The following CFH variants were observed in gnomAD, a reference collection of about 807,000 sequenced individuals.
CFH encodes H factor 1 (complement).
In CFH, 53 loss-of-function variants were observed where a neutral mutation model predicts 147.3. The ratio of observed to expected loss-of-function variants is 0.36; its 90% CI spans 0.29 to 0.45. The LOEUF (loss-of-function observed/expected upper bound fraction) is 0.45. CFH is among the 20% of genes least tolerant of loss of function. The pLI, the probability that CFH is intolerant of heterozygous loss-of-function variation, is 1.00. For synonymous variants in CFH, 536 were observed against 489.4 expected (o/e 1.10, Z -1.26); for missense variants, 1,380 against 1,498.0 (o/e 0.92, Z 1.30).
At chr1:196,730,139 G>T (rs1669248154) in intron 15 of CFH, among the ~76,000 whole-genome samples, 1 of 151,616 alleles carries the variant, frequency 6.6e-6, no homozygotes, top group Non-Finnish European at 1.5e-5. Flanking sequence ...TGACTAGTTT[G>T]TTCATGTTTT....
At chr1:196,672,517 ATACATCTC>A (rs1405178032) in intron 1 of CFH, among the ~76,000 whole-genome samples, 2 of 152,206 alleles carry the variant, frequency 1.3e-5, no homozygotes, top group Admixed American at 1.3e-4. Flanking sequence ...AATGCATATT[ATACATCTC>A]TTTGATTACT....
rs1669152071 is a variant in CFH at position 196,726,801 on chromosome 1, T to C, written c.2097T>C (p.His699=). 2 of 1,613,894 alleles carry C rather than the reference T, an allele frequency of 1.2e-6. No individual in the cohort carries two copies. The highest frequency in any genetic ancestry group is 1.7e-6 in the Non-Finnish European group (2 of 1,179,842). ...GTGGAGATATACCTGAACTTGAACA[T>C]GGCTGGGCCCAGCTTTCTTCCCCTC... ...STCGDIPELE[H]GWAQLSSPPY... is the part of the protein sequence containing the mutation. Residue 699 remains histidine (H), a synonymous_variant, in exon 14 of 22, where the codon CAT becomes CAC. Transcript: ENST00000367429.
At position 196,657,699 on chromosome 1, in the gene CFH, T is replaced by C. The variant is rs111555429; in HGVS notation, c.58+5524T>C. On this transcript the variant is annotated intron_variant, in intron 1 of 21. Coordinates refer to ENST00000367429, the MANE Select transcript of CFH (RefSeq NM_000186.4). ...CTATTTCTGTTTTGTTCATTTGCTT[T>C]ATTTTTTTCCAAATTGATTTTGTAA... 1.7e-3 allele frequency among the ~76,000 whole-genome samples: 258 copies of C among 152,352 alleles called. 2 individuals are homozygous for C. Among genetic ancestry groups the C allele is most frequent in the African/African-American group, 5.8e-3 (243 of 41,580 alleles).
chr1:196,656,726 A>G (rs1170102365), intron 1 of CFH, among the ~76,000 whole-genome samples: 2 of 131,690 alleles, frequency 1.5e-5, no homozygotes, highest in East Asian at 2.2e-4. Flanking sequence ...TCCTAATTGT[A>G]CTGTCTCTTT....
At chr1:196,718,387 T>G (rs1372967752) in intron 11 of CFH, among the ~76,000 whole-genome samples, 1 of 152,088 alleles carries the variant, frequency 6.6e-6, no homozygotes, top group Non-Finnish European at 1.5e-5. Flanking sequence ...AAAGAATGGT[T>G]GAAAGCCATT....
intron 9 of CFH, chr1:196,700,827 G>A (rs1436508975): frequency 1.2e-5 from 12 of 985,214 alleles, no homozygotes; most frequent in Non-Finnish European, 1.4e-5. Context: ...TGTTGGCAGG[G>A]CAGTGCTGAC....
rs759625279 is a variant in CFH at position 196,740,744 on chromosome 1, A to G, written c.2908A>G (p.Ile970Val). ...FEGFGIDGPA[I>V]AKCLGEKWSH... Reference sequence around the variant, plus strand: ...AGGTTTTGGAATTGATGGGCCTGCAATTGCAAAATGCTTAGGAGAAAAATG... The same window carrying G: ...AGGTTTTGGAATTGATGGGCCTGCAGTTGCAAAATGCTTAGGAGAAAAATG... Residue 970 changes from isoleucine (I) to valine (V), a missense_variant, in exon 18 of 22, where the codon ATT (isoleucine) becomes GTT (valine). Ile to Val is a conservative substitution (Grantham distance 29). Transcript: ENST00000367429. 38 of 1,614,070 alleles carry G rather than the reference A, an allele frequency of 2.4e-5. No homozygotes were observed. Among genetic ancestry groups the G allele is most frequent in the Non-Finnish European group, 2.9e-5 (34 of 1,179,976 alleles).
intron 15 of CFH, among the ~76,000 whole-genome samples, chr1:196,734,426 T>G (rs141093378): frequency 6.6e-6 from 1 of 151,992 alleles, no homozygotes; most frequent in Non-Finnish European, 1.5e-5. Flanking sequence ...GTATTGCAGG[T>G]ATCGTTAAGT....
intron 9 of CFH, chr1:196,701,609 A>G (rs545413601): frequency 2.2e-6 from 1 of 453,378 alleles, no homozygotes; most frequent in African/African-American, 2.0e-5. Flanking sequence ...TGCAGCAGGC[A>G]TACAAATCTG....
intron 9 of CFH, among the ~76,000 whole-genome samples, chr1:196,692,760 T>TTC (rs1422143634): frequency 0.013 from 448 of 35,794 alleles, 2 homozygotes; most frequent in African/African-American, 0.034. Context: ...CTTTCTTTCT[T>TTC]TCTTTCTTTC....
chr1:196,736,673 AT>A (rs1489255118), intron 15 of CFH, 150 bp from the exon 16 acceptor site: 1 of 296,930 alleles, frequency 3.4e-6, no homozygotes, highest in Admixed American at 5.3e-5. Context: ...AAACATCATA[AT>A]TAATATGTGA....
chr1:196,697,258 T>G (rs1174518187), intron 9 of CFH, among the ~76,000 whole-genome samples: 2 of 152,210 alleles, frequency 1.3e-5, no homozygotes, highest in African/African-American at 2.4e-5. Flanking sequence ...TCTACTCATC[T>G]GACAAAGGGC....
chr1:196,675,124 G>A (rs1052698570), intron 3 of CFH, among the ~76,000 whole-genome samples: 3 of 151,994 alleles, frequency 2.0e-5, no homozygotes, highest in Admixed American at 2.0e-4. Context: ...TTTTATCACA[G>A]GCTTGTGTCC....
At chr1:196,746,062 T>C in intron 21 of CFH, 63 bp downstream of exon 21, 1 of 1,611,412 alleles carries the variant, frequency 6.2e-7, no homozygotes, top group Non-Finnish European at 8.5e-7. Flanking sequence ...ATTTCACTGT[T>C]TGTAACAAAA....
chr1:196,709,075 A>T (rs1035930808), intron 9 of CFH, among the ~76,000 whole-genome samples: 1 of 152,192 alleles, frequency 6.6e-6, no homozygotes. Flanking sequence ...CTGTACAGTG[A>T]TCAATACCAC....
rs115373020 is a variant in CFH, at chr1:196,701,569, C to T, written c.1336+11330C>T. 5.3e-3 allele frequency: 2,953 copies of T among 556,442 alleles called. 80 individuals carry two copies. Among genetic ancestry groups the T allele is most frequent in the African/African-American group, 0.05 (2,641 of 52,956 alleles). 34.5% of individuals were successfully genotyped at this position (556,442 alleles called of 1,614,324 possible). A position where few individuals can be genotyped will look rare whatever the true frequency, so the allele number is the denominator to read the frequency against. On this transcript the variant is annotated intron_variant, in intron 9 of 21. Transcript: ENST00000367429. Reference sequence around the variant, plus strand: ...TTAAACTCTTTCTCTGCTGCAAACCCCACTGTCTCAGTGTATTGTTCTGTT... The same window carrying T: ...TTAAACTCTTTCTCTGCTGCAAACCTCACTGTCTCAGTGTATTGTTCTGTT...
At chr1:196,692,290 C>T in intron 9 of CFH, 2 of 282,400 alleles carry the variant, frequency 7.1e-6, no homozygotes, top group Non-Finnish European at 1.1e-5. Flanking sequence ...TGACCTTTCA[C>T]CCAAATCTTT....
chr1:196,677,415 C>A (rs1667492101), intron 4 of CFH, 61 bp from the exon 5 acceptor site: 6 of 1,441,146 alleles, frequency 4.2e-6, no homozygotes, highest in Non-Finnish European at 5.8e-6. Flanking sequence ...TATACATACA[C>A]ATATTTTTCA....
At chr1:196,717,408 A>G (rs1256519268) in intron 11 of CFH, among the ~76,000 whole-genome samples, 1 of 152,148 alleles carries the variant, frequency 6.6e-6, no homozygotes, top group Non-Finnish European at 1.5e-5. Flanking sequence ...TAATTTAATT[A>G]CCTTAATATC....
Sources: gnomAD v4.1 joint callset for allele counts (sites outside exome capture counted in the v4.1 genomes callset) on GRCh38, gnomAD v4.1.1 for gene constraint, MANE v1.5 for transcripts, NCBI Gene and HGNC (gene_info 2026-07-23, HGNC 2026-07-21) for gene names.